The following PTPDC1 variants were observed in gnomAD, a reference collection of about 807,000 sequenced individuals.
PTPDC1 encodes the protein protein tyrosine phosphatase domain-containing protein 1.
In PTPDC1, 53 loss-of-function variants were observed where a neutral mutation model predicts 75.3. The ratio of observed to expected loss-of-function variants is 0.70; its 90% CI spans 0.56 to 0.88. The LOEUF (loss-of-function observed/expected upper bound fraction) is 0.88, where lower values mean the gene tolerates loss of function less well. Ranked by LOEUF, PTPDC1 falls within the 40% of genes least tolerant of loss-of-function variation. PTPDC1 has a pLI of 0.00. For synonymous variants in PTPDC1, 349 were observed against 366.2 expected (o/e 0.95, Z 0.54); for missense variants, 925 against 998.6 (o/e 0.93, Z 0.99).
At chr9:94,069,823 CTTT>C (rs763640631) in intron 2 of PTPDC1, among the ~76,000 whole-genome samples, 2 of 108,198 alleles carry the variant, frequency 1.8e-5, no homozygotes, top group Non-Finnish European at 1.9e-5. Context: ...CCAATACTTT[CTTT>C]TTTTTTTTTT....
intron 2 of PTPDC1, among the ~76,000 whole-genome samples, chr9:94,072,706 C>T (rs1482558792): frequency 4.6e-5 from 7 of 152,104 alleles, no homozygotes; most frequent in Non-Finnish European, 8.8e-5. Flanking sequence ...CTATTCTTAA[C>T]TTGCTGAGAG....
intron 1 of PTPDC1, among the ~76,000 whole-genome samples, chr9:94,052,416 C>T (rs1825818941): frequency 6.6e-6 from 1 of 152,068 alleles, no homozygotes; most frequent in African/African-American, 2.4e-5. Flanking sequence ...GTTCCATGTG[C>T]TCTTCTGCTG....
chr9:94,093,445 G>A (rs368936854), intron 4 of PTPDC1, among the ~76,000 whole-genome samples: 14 of 146,018 alleles, frequency 9.6e-5, no homozygotes, highest in South Asian at 4.5e-4. Flanking sequence ...GGTTTCTGCC[G>A]AGAGATCCGC....
intron 1 of PTPDC1, among the ~76,000 whole-genome samples, chr9:94,044,665 G>C (rs151313959): frequency 6.9e-4 from 105 of 152,010 alleles, no homozygotes; most frequent in Non-Finnish European, 1.3e-3. Flanking sequence ...AACCATGAAA[G>C]ACAATTATGT....
chr9:94,094,775 TGTGGTGCGCA>T (rs1307760869), intron 4 of PTPDC1, among the ~76,000 whole-genome samples: 5 of 152,224 alleles, frequency 3.3e-5, no homozygotes, highest in African/African-American at 1.2e-4. Context: ...GATATAATCT[TGTGGTGCGCA>T]GTTTTTTAAG....
intron 1 of PTPDC1, among the ~76,000 whole-genome samples, chr9:94,060,867 G>A (rs2118491679): frequency 6.6e-6 from 1 of 152,276 alleles, no homozygotes; most frequent in East Asian, 1.9e-4. Context: ...TTCCACATGA[G>A]AGTTCGGTGG....
At position 94,054,561 on chromosome 9, in the gene PTPDC1, C is replaced by T. The variant is rs914295; in HGVS notation, c.-6-10173C>T. Among the ~76,000 whole-genome samples the T allele has an allele frequency of 9.1e-4, 139 of 152,000 alleles. 1 individual carries two copies. Among genetic ancestry groups the T allele is most frequent in the African/African-American group, 3.1e-3 (129 of 41,418 alleles). Reference sequence around the variant, plus strand: ...AAGGCTAAAATGTGTAAAGGGGCCACGTTCCTGATATTTGTCTGAGATAAC... The same window carrying T: ...AAGGCTAAAATGTGTAAAGGGGCCATGTTCCTGATATTTGTCTGAGATAAC... On this transcript the variant is annotated intron_variant, in intron 1 of 9. Transcript: ENST00000375360.
At chr9:94,068,768 G>A (rs534365809) in intron 2 of PTPDC1, among the ~76,000 whole-genome samples, 1 of 152,212 alleles carries the variant, frequency 6.6e-6, no homozygotes, top group Admixed American at 6.5e-5. Context: ...TCCGATAACT[G>A]GAGATTTTCT....
At chr9:94,048,703 T>C (rs1204962399) in intron 1 of PTPDC1, among the ~76,000 whole-genome samples, 1 of 152,238 alleles carries the variant, frequency 6.6e-6, no homozygotes, top group Non-Finnish European at 1.5e-5. Context: ...TGGAGAGTTC[T>C]GTAGATGTCT....
At chr9:94,052,448 T>C (rs1375898150) in intron 1 of PTPDC1, among the ~76,000 whole-genome samples, 1 of 152,192 alleles carries the variant, frequency 6.6e-6, no homozygotes, top group Non-Finnish European at 1.5e-5. Flanking sequence ...GTTCTATAAA[T>C]ATAAATTAGA....
At chr9:94,056,678 A>G (rs1261928577) in intron 1 of PTPDC1, among the ~76,000 whole-genome samples, 1 of 152,212 alleles carries the variant, frequency 6.6e-6, no homozygotes, top group East Asian at 1.9e-4. Context: ...AATAGAAAGG[A>G]AAGTAGTGAC....
intron 2 of PTPDC1, among the ~76,000 whole-genome samples, chr9:94,072,810 T>C (rs919035945): frequency 3.3e-5 from 5 of 152,182 alleles, no homozygotes; most frequent in African/African-American, 1.2e-4. Context: ...AGCCTGTTGG[T>C]GTGGTGGATT....
intron 6 of PTPDC1, chr9:94,100,340 C>G (rs1172934291): frequency 6.6e-6 from 1 of 152,172 alleles, no homozygotes; most frequent in Non-Finnish European, 1.5e-5. Flanking sequence ...TTGCTAAGAG[C>G]ATTTTTGATT....
In PTPDC1 at chr9:94,097,403, C is replaced by T; in HGVS notation, c.837C>T (p.Pro279=). 1.9e-6 allele frequency: 3 copies of T among 1,614,122 alleles called. No individual in the cohort carries two copies. Among genetic ancestry groups the T allele is most frequent in the Non-Finnish European group, 2.5e-6 (3 of 1,179,982 alleles). ...QAIIFVRAKR[P]NSIQTRGQLL... ...TTATATTTGTGCGGGCAAAGCGACC[C>T]AATTCCATACAAACCAGAGGACAGC... Residue 279 remains proline (P), a synonymous_variant, in exon 6 of 9, where the codon CCC becomes CCT. Coordinates refer to ENST00000620992, the MANE Select transcript of PTPDC1 (RefSeq NM_001253829.2).
chr9:94,073,041 G>T (rs139818491), intron 2 of PTPDC1, among the ~76,000 whole-genome samples: 1 of 152,096 alleles, frequency 6.6e-6, no homozygotes, highest in African/African-American at 2.4e-5. Context: ...CATAAAAGGA[G>T]GTGGGAAATG....
chr9:94,104,149 A>T (rs554554068), intron 7 of PTPDC1, 126 bp from the exon 8 acceptor site: 2 of 555,632 alleles, frequency 3.6e-6, no homozygotes, highest in Admixed American at 2.9e-5. Flanking sequence ...ATTTTGTTAG[A>T]TATTTTGGCA....
At chr9:94,076,604 A>T (rs893862524) in intron 2 of PTPDC1, among the ~76,000 whole-genome samples, 2 of 152,070 alleles carry the variant, frequency 1.3e-5, no homozygotes, top group Non-Finnish European at 2.9e-5. Context: ...CCTGATGGGC[A>T]TTTGGACTCT....
At position 94,095,356 on chromosome 9, in the gene PTPDC1, C is replaced by T. The variant is rs371085365; in HGVS notation, c.656C>T (p.Ala219Val). ...YNFGWKDYGV[A>V]SLTTILDMVK... Reference sequence around the variant, plus strand: ...TTCGGATGGAAGGATTATGGTGTAGCGTCTCTTACTACTATCCTAGATATG... The same window carrying T: ...TTCGGATGGAAGGATTATGGTGTAGTGTCTCTTACTACTATCCTAGATATG... The change falls in exon 5 of 9, where the codon GCG becomes GTG. Residue 219 changes from alanine (A) to valine (V), a missense_variant. By Grantham distance (64) the Ala-to-Val change is moderately conservative (BLOSUM62 0). Transcript: ENST00000620992. 6.2e-6 allele frequency: 10 copies of T among 1,611,624 alleles called. No individual in the cohort carries two copies. The highest frequency in any genetic ancestry group is 1.7e-5 in the Admixed American group (1 of 59,836).
intron 4 of PTPDC1, among the ~76,000 whole-genome samples, 192 bp from the exon 5 acceptor site, chr9:94,095,125 A>G (rs959443267): frequency 4.6e-5 from 7 of 152,238 alleles, no homozygotes; most frequent in African/African-American, 7.2e-5. Context: ...CTTAAGTAAC[A>G]TAAAATGTGC....
Sources: gnomAD v4.1 joint callset for allele counts (sites outside exome capture counted in the v4.1 genomes callset) on GRCh38, gnomAD v4.1.1 for gene constraint, MANE v1.5 for transcripts, NCBI Gene and HGNC (gene_info 2026-07-23, HGNC 2026-07-21) for gene names.